RABGAP1: variants seen among roughly 807,000 people sequenced by gnomAD.
RABGAP1 encodes rab GTPase-activating protein 1.
Under a neutral mutation model 137.6 loss-of-function variants are expected in RABGAP1, and 23 were observed. The observed-to-expected ratio is 0.17, with a 90% CI of 0.12 to 0.24. RABGAP1 has a LOEUF of 0.24. Among genes scored for constraint, RABGAP1 ranks in the 10% least tolerant of loss-of-function variants. The pLI is 1.00. For synonymous variants in RABGAP1, 451 were observed against 450.7 expected (o/e 1.00, Z -0.01); for missense variants, 906 against 1,275.8 (o/e 0.71, Z 4.42).
chr9:122,963,384 C>G (rs1474489794), intron 2 of RABGAP1, among the ~76,000 whole-genome samples: 2 of 152,130 alleles, frequency 1.3e-5, no homozygotes, highest in Admixed American at 1.3e-4. Context: ...AACACTCACC[C>G]CAACAATAGC....
At chr9:123,044,598 T>A (rs1452777500) in intron 13 of RABGAP1, among the ~76,000 whole-genome samples, 1 of 151,346 alleles carries the variant, frequency 6.6e-6, no homozygotes, top group Non-Finnish European at 1.5e-5. Flanking sequence ...TTTGACATCG[T>A]GGGAAGGAAT....
intron 10 of RABGAP1, among the ~76,000 whole-genome samples, chr9:122,999,116 C>CT (rs969034470): frequency 2.6e-4 from 39 of 150,892 alleles, no homozygotes; most frequent in Non-Finnish European, 5.2e-4. Flanking sequence ...TTCTGGTTGC[C>CT]TTTTTTTTTC....
chr9:123,096,928 G>A (rs539897012), intron 21 of RABGAP1, among the ~76,000 whole-genome samples: 1 of 152,180 alleles, frequency 6.6e-6, no homozygotes, highest in South Asian at 2.1e-4. Context: ...GAAGATACAG[G>A]AAAGGAAATA....
chr9:123,070,158 G>A lies in RABGAP1; in HGVS notation c.1909-192G>A, dbSNP rs1037035023. Among the ~76,000 whole-genome samples the A allele has an allele frequency of 6.6e-6, 1 of 152,144 alleles. No homozygotes were observed. The highest frequency in any genetic ancestry group is 2.4e-5 in the African/African-American group (1 of 41,426). On this transcript the variant is annotated intron_variant, in intron 14 of 25. Transcript: ENST00000373647. This position sits in a 1 kb window ranked among gnomAD's most constrained non-coding sequence, Gnocchi z 4.4. ...CTCCTTCGCCACAGGAAATGCAGTGGTGATAGCTGTATTCATTGTAAAGAA... is the reference window on the plus strand; with the variant it reads ...CTCCTTCGCCACAGGAAATGCAGTGATGATAGCTGTATTCATTGTAAAGAA...
chr9:123,034,051 G>A (rs549714836), intron 13 of RABGAP1: 40 of 160,890 alleles, frequency 2.5e-4, no homozygotes, highest in Non-Finnish European at 4.0e-4. Flanking sequence ...GAGGGTAGCC[G>A]TGAATAGTGG....
chr9:122,937,302 G>A (rs1408711765), upstream of RABGAP1, among the ~76,000 whole-genome samples: 1 of 152,192 alleles, frequency 6.6e-6, no homozygotes, highest in Non-Finnish European at 1.5e-5. Context: ...GAAGTCGTTC[G>A]AAGAACTAAC....
chr9:123,023,132 GTAAT>G (rs2131941828), intron 13 of RABGAP1, among the ~76,000 whole-genome samples: 1 of 152,180 alleles, frequency 6.6e-6, no homozygotes, highest in South Asian at 2.1e-4. Context: ...ACACCCCTGA[GTAAT>G]CATTATTCTG....
At chr9:122,962,109 G>A (rs1197628501) in intron 2 of RABGAP1, among the ~76,000 whole-genome samples, 1 of 151,974 alleles carries the variant, frequency 6.6e-6, no homozygotes, top group Non-Finnish European at 1.5e-5. Flanking sequence ...ACCACAAAAG[G>A]CAGGGGGAAG....
At chr9:123,042,364 A>G (rs1475691305) in intron 13 of RABGAP1, among the ~76,000 whole-genome samples, 1 of 152,222 alleles carries the variant, frequency 6.6e-6, no homozygotes, top group African/African-American at 2.4e-5. Flanking sequence ...CTTTTGAGAA[A>G]AAGTTCTCAC....
At chr9:122,981,127 C>T (rs1388602218) in intron 2 of RABGAP1, among the ~76,000 whole-genome samples, 1 of 151,822 alleles carries the variant, frequency 6.6e-6, no homozygotes, top group Non-Finnish European at 1.5e-5. Context: ...AACCTCTGCT[C>T]CCCGGGTTCA....
chr9:123,046,866 C>A (rs2095962), intron 13 of RABGAP1, among the ~76,000 whole-genome samples: 37,124 of 151,998 alleles, frequency 0.24, 6,495 homozygotes, highest in East Asian at 0.65. Context: ...AATATAGAAT[C>A]CTTAAGTGAC....
chr9:123,090,457 A>C, intron 21 of RABGAP1, 72 bp downstream of exon 21: 1 of 1,250,702 alleles, frequency 8.0e-7, no homozygotes, highest in Non-Finnish European at 1.1e-6. Context: ...GAAATCCTGG[A>C]ATTTTAGTGA....
At chr9:123,089,513 A>T in intron 19 of RABGAP1, 1 of 414,988 alleles carries the variant, frequency 2.4e-6, no homozygotes, top group Non-Finnish European at 4.3e-6. Flanking sequence ...TAGGGTGTTC[A>T]TTCTAATACT....
rs370002500 is a variant in RABGAP1 at position 122,996,520 on chromosome 9, G to T, written c.1035-19G>T. 1.1e-5 allele frequency: 18 copies of T among 1,588,926 alleles called. No homozygotes were observed. Among genetic ancestry groups the T allele is most frequent in the Non-Finnish European group, 1.5e-5 (18 of 1,168,468 alleles). On this transcript the variant is annotated intron_variant, in intron 7 of 25. Coordinates refer to ENST00000373647, the MANE Select transcript of RABGAP1 (RefSeq NM_012197.4). ...GTGTTATCTTTTTTCTTAAATTTAT[G>T]TCAGTTCTTTTTTTGTAGGTGTTTT...
chr9:123,018,474 A>G (rs74848777), intron 12 of RABGAP1, among the ~76,000 whole-genome samples: 68 of 152,370 alleles, frequency 4.5e-4, no homozygotes, highest in Middle Eastern at 3.4e-3. Context: ...ATTGTAATGC[A>G]GAAGCTATCA....
intron 2 of RABGAP1, among the ~76,000 whole-genome samples, chr9:122,972,265 TTAAAAAA>T (rs1203383052): frequency 6.6e-6 from 1 of 152,114 alleles, no homozygotes; most frequent in Non-Finnish European, 1.5e-5. Context: ...CCCTGTCTCT[TTAAAAAA>T]TAAAAATAAA....
At chr9:123,005,350 A>G (rs1338075780) in intron 10 of RABGAP1, among the ~76,000 whole-genome samples, 9 of 151,720 alleles carry the variant, frequency 5.9e-5, no homozygotes, top group Non-Finnish European at 1.3e-4. Context: ...AATTATGTAG[A>G]AATGTATACT....
intron 5 of RABGAP1, 99 bp from the exon 6 acceptor site, chr9:122,989,957 A>G: frequency 7.8e-7 from 1 of 1,284,584 alleles, no homozygotes; most frequent in Non-Finnish European, 1.1e-6. Flanking sequence ...AGTGGGATAA[A>G]GATAATTATT....
chr9:123,000,256 C>G (rs1482751268), intron 10 of RABGAP1, among the ~76,000 whole-genome samples: 4 of 147,818 alleles, frequency 2.7e-5, no homozygotes, highest in African/African-American at 9.9e-5. Context: ...TTTTTTTTTT[C>G]TTAAATCGGG....
Sources: allele counts gnomAD v4.1 joint callset (sites outside exome capture counted in the v4.1 genomes callset), GRCh38; gene constraint gnomAD v4.1.1; non-coding constraint Gnocchi (gnomAD v3.1); transcripts MANE v1.5; gene names NCBI Gene and HGNC (gene_info 2026-07-23, HGNC 2026-07-21).